The following ANKRD46 variants were observed in gnomAD, a reference collection of about 807,000 sequenced individuals.
ANKRD46 encodes the protein ankyrin repeat domain-containing protein 46.
Under a neutral mutation model 19.8 loss-of-function variants are expected in ANKRD46, and 13 were observed. The observed-to-expected ratio is 0.66, with a 90% confidence interval of 0.43 to 1.04. The LOEUF is 1.04. Among genes scored for constraint, ANKRD46 ranks in the 50% least tolerant of loss-of-function variants. ANKRD46 has a pLI of 0.00. For missense variants in ANKRD46, 185 were observed against 274.8 expected (o/e 0.67, Z 2.31); for synonymous variants, 91 against 106.9 (o/e 0.85, Z 0.92).
At chr8:100,515,868 G>GTTTTTTTTTTTTTTTTTTTTTTTTTTTT (rs1371274884), downstream of ANKRD46, among the ~76,000 whole-genome samples, 1 of 147,798 alleles carries the variant, frequency 6.8e-6, no homozygotes, top group African/African-American at 2.5e-5. Flanking sequence ...CCAGTAACTT[G>GTTTTTTTTTTTTTTTTTTTTTTTTTTTT]TTTTTGTTTT....
chr8:100,555,722 T>TAAAAAAAAAAA lies in ANKRD46; in HGVS notation c.-131+3978_-131+3988dup, dbSNP rs59521764. Among the ~76,000 whole-genome samples the TAAAAAAAAAAA allele has an allele frequency of 1.3e-3, 69 of 53,306 alleles. 12 individuals carry two copies. Among genetic ancestry groups the TAAAAAAAAAAA allele is most frequent in the Non-Finnish European group, 1.6e-3 (49 of 30,378 alleles). 35.0% of individuals were successfully genotyped at this position (53,306 alleles called of 152,430 possible). On this transcript the variant is annotated intron_variant, in intron 1 of 4. Transcript: ENST00000335659. Reference sequence around the variant, plus strand: ...GCACCAACTTAATATTTTCCTCAGCTAAAAAAAAAAAAAAAAAAAAAAAAA... The same window carrying TAAAAAAAAAAA: ...GCACCAACTTAATATTTTCCTCAGCTAAAAAAAAAAAAAAAAAAAAAAAAAAAAAAAAAAAA...
downstream of ANKRD46, among the ~76,000 whole-genome samples, chr8:100,516,673 T>G (rs1252241644): frequency 6.6e-6 from 1 of 152,246 alleles, no homozygotes; most frequent in Non-Finnish European, 1.5e-5. Flanking sequence ...CATTAAGCTT[T>G]TCAGCATCCA....
rs561111484 is a variant in ANKRD46, at chr8:100,536,708, G to A, written c.-130-3397C>T. On this transcript the variant is annotated intron_variant, in intron 1 of 4. Transcript: ENST00000335659. This position sits in a 1 kb window ranked among gnomAD's most constrained non-coding sequence, Gnocchi z 4.9. ...GAACAGTCAATATGGGAATAACCACGCCCCAGAAAGCATGCTGGTTGCTGA... is the reference window on the plus strand; with the variant it reads ...GAACAGTCAATATGGGAATAACCACACCCCAGAAAGCATGCTGGTTGCTGA... 3.3e-5 allele frequency among the ~76,000 whole-genome samples: 5 copies of A among 152,310 alleles called. No individual in the cohort carries two copies. Among genetic ancestry groups the A allele is most frequent in the East Asian group, 1.9e-4 (1 of 5,192 alleles).
At chr8:100,515,922 A>G (rs180734114), downstream of ANKRD46, among the ~76,000 whole-genome samples, 1 of 146,872 alleles carries the variant, frequency 6.8e-6, no homozygotes, top group East Asian at 2.0e-4. Flanking sequence ...CCCAGGCTGG[A>G]GTGCAATGGC....
At position 100,543,474 on chromosome 8, in the gene ANKRD46, T is replaced by G. The variant is rs1003137041; in HGVS notation, c.-130-10163A>C. Among the ~76,000 whole-genome samples, 3 of 152,202 alleles carry G rather than the reference T, an allele frequency of 2.0e-5. No homozygotes were observed. The highest frequency in any genetic ancestry group is 7.2e-5 in the African/African-American group (3 of 41,470). On this transcript the variant is annotated intron_variant, in intron 1 of 4. Coordinates refer to ENST00000335659, the MANE Select transcript of ANKRD46 (RefSeq NM_001270377.2). The surrounding 1 kb of genome is among the most constrained non-coding windows in gnomAD (Gnocchi z 4.2). ...TATAAAACTGTTAAGAACTTGTTTT[T>G]AAAAGTTTGAACAACTGCTAAACTT...
Position 100,544,281 on chromosome 8 carries a change from C to T in ANKRD46, c.-130-10970G>A, listed in dbSNP as rs559294529. Among the ~76,000 whole-genome samples, 1 of 152,156 alleles carries T rather than the reference C, an allele frequency of 6.6e-6. No individual in the cohort carries two copies. The highest frequency in any genetic ancestry group is 1.5e-5 in the Non-Finnish European group (1 of 68,042). Reference sequence around the variant, plus strand: ...TTCCACCAGGAAAGAAAATACCTTACTCATCCATGGGACCCGGACATAAAG... The same window carrying T: ...TTCCACCAGGAAAGAAAATACCTTATTCATCCATGGGACCCGGACATAAAG... On this transcript the variant is annotated intron_variant, in intron 1 of 4. Transcript: ENST00000335659. This position sits in a 1 kb window ranked among gnomAD's most constrained non-coding sequence, Gnocchi z 4.4.
rs1011521245 is a variant in ANKRD46 at position 100,537,915 on chromosome 8, A to C, written c.-130-4604T>G. ...CTTCATATTTAGCTTATATATTTCC[A>C]ATATGCCCTGCAGCTGCTGTAAGTT... On this transcript the variant is annotated intron_variant, in intron 1 of 4. Transcript: ENST00000335659. This position sits in a 1 kb window ranked among gnomAD's most constrained non-coding sequence, Gnocchi z 4.2. Among the ~76,000 whole-genome samples, 71 of 152,186 alleles carry C rather than the reference A, an allele frequency of 4.7e-4. 3 individuals carry two copies. Among genetic ancestry groups the C allele is most frequent in the Admixed American group, 4.6e-3 (71 of 15,272 alleles).
intron 1 of ANKRD46, among the ~76,000 whole-genome samples, chr8:100,553,132 C>A (rs1391993214): frequency 6.6e-6 from 1 of 152,156 alleles, no homozygotes; most frequent in Non-Finnish European, 1.5e-5. Flanking sequence ...AATTCTAGAA[C>A]TGACCAAGGA....
intron 1 of ANKRD46, among the ~76,000 whole-genome samples, chr8:100,558,687 A>G (rs1812551624): frequency 6.6e-6 from 1 of 152,200 alleles, no homozygotes; most frequent in Non-Finnish European, 1.5e-5. Context: ...ACAGCGCTAC[A>G]TGTTTGGCTA....
chr8:100,517,056 TA>T (rs1425574251), downstream of ANKRD46, among the ~76,000 whole-genome samples: 1 of 152,224 alleles, frequency 6.6e-6, no homozygotes, highest in Non-Finnish European at 1.5e-5. Context: ...TTAGTTTCTC[TA>T]ATGGTGAGGT....
At position 100,543,651 on chromosome 8, in the gene ANKRD46, T is replaced by G. The variant is rs1170401505; in HGVS notation, c.-130-10340A>C. 2.0e-5 allele frequency among the ~76,000 whole-genome samples: 3 copies of G among 152,192 alleles called. No individual in the cohort carries two copies. Among genetic ancestry groups the G allele is most frequent in the African/African-American group, 7.2e-5 (3 of 41,446 alleles). ...GTTTTTAAATAAATAAATTACACTC[T>G]CAGGATTGACGAGCTTTGGATTTGG... On this transcript the variant is annotated intron_variant, in intron 1 of 4. Coordinates refer to ENST00000335659, the MANE Select transcript of ANKRD46 (RefSeq NM_001270377.2). This position sits in a 1 kb window ranked among gnomAD's most constrained non-coding sequence, Gnocchi z 4.2.
chr8:100,522,288 G>T lies in ANKRD46; in HGVS notation c.*267C>A. 8.0e-7 allele frequency: 1 copy of T among 1,243,054 alleles called. No homozygotes were observed. The highest frequency in any genetic ancestry group is 2.2e-5 in the South Asian group (1 of 44,920). The allele number at this position is 1,243,054 out of a possible 1,614,324, so 77.0% of individuals were successfully genotyped here. A position where few individuals can be genotyped will look rare whatever the true frequency, so the allele number is the denominator to read the frequency against. On this transcript the variant is annotated 3_prime_UTR_variant, in exon 5 of 5. Coordinates refer to ENST00000335659, the MANE Select transcript of ANKRD46 (RefSeq NM_001270377.2). ...TATCTTCCATTCTCTAGTCACTTCC[G>T]TGTTTTTATCAAACAAGGCTACGTG...
At chr8:100,512,431 C>T (rs1030039838) in intron 5 of ANKRD46, among the ~76,000 whole-genome samples, 1 of 152,186 alleles carries the variant, frequency 6.6e-6, no homozygotes. Context: ...AGAATGATGA[C>T]CGGACAATAG....
Position 100,521,930 on chromosome 8 carries a change from CAAAT to C in ANKRD46, c.*621_*624del. ...AAAAGATCAAAAATTATCCTAAAAA[CAAAT>C]AAATATAAGATCAAATCAATTATCT... On this transcript the variant is annotated 3_prime_UTR_variant, in exon 5 of 5. Transcript: ENST00000335659. 1.0e-6 allele frequency: 1 copy of C among 982,194 alleles called. No homozygotes were observed. The highest frequency in any genetic ancestry group is 1.2e-6 in the Non-Finnish European group (1 of 827,100). The allele number at this position is 982,194 out of a possible 1,614,324, so 60.8% of individuals were successfully genotyped here.
intron 3 of ANKRD46, among the ~76,000 whole-genome samples, chr8:100,528,934 C>T (rs539162866): frequency 7.9e-5 from 12 of 152,278 alleles, no homozygotes; most frequent in African/African-American, 2.9e-4. Context: ...CAAAAAGCCC[C>T]ATGACTTCCT....
At position 100,543,724 on chromosome 8, in the gene ANKRD46, T is replaced by C. The variant is rs1396808569; in HGVS notation, c.-130-10413A>G. Among the ~76,000 whole-genome samples, 3 of 152,154 alleles carry C rather than the reference T, an allele frequency of 2.0e-5. No individual in the cohort carries two copies. The East Asian group carries it at 5.8e-4, about 29-fold the overall frequency. ...TGTTATATCTTAAACTGTAGAGAAG[T>C]ATAAGAAAAGACACACAAAAACAAA... On this transcript the variant is annotated intron_variant, in intron 1 of 4. Transcript: ENST00000335659. The surrounding 1 kb of genome is among the most constrained non-coding windows in gnomAD (Gnocchi z 4.2).
Position 100,536,724 on chromosome 8 carries a change from T to C in ANKRD46, c.-130-3413A>G, listed in dbSNP as rs1490154535. On this transcript the variant is annotated intron_variant, in intron 1 of 4. Transcript: ENST00000335659. This position sits in a 1 kb window ranked among gnomAD's most constrained non-coding sequence, Gnocchi z 4.9. ...AATAACCACGCCCCAGAAAGCATGC[T>C]GGTTGCTGACCAGGGCCCTGGTTCC... 1.3e-5 allele frequency among the ~76,000 whole-genome samples: 2 copies of C among 152,176 alleles called. No individual in the cohort carries two copies. Among genetic ancestry groups the C allele is most frequent in the African/African-American group, 4.8e-5 (2 of 41,444 alleles).
chr8:100,513,006 C>T (rs139476341), intron 5 of ANKRD46, among the ~76,000 whole-genome samples: 1,737 of 152,162 alleles, frequency 0.011, 38 homozygotes, highest in African/African-American at 0.039. Context: ...TGAGATGATG[C>T]CTGGAAGGTT....
chr8:100,559,384 AC>A lies in ANKRD46; in HGVS notation c.-131+326del, dbSNP rs1812567786. On this transcript the variant is annotated intron_variant, in intron 1 of 4. Transcript: ENST00000335659. This position sits in a 1 kb window ranked among gnomAD's most constrained non-coding sequence, Gnocchi z 6.0. Reference sequence around the variant, plus strand: ...ACCTGCGGCGTGGCTTCCGCGCTCCACCCCCCGATTAACCGCGAGCCAGGGC... The same window carrying A: ...ACCTGCGGCGTGGCTTCCGCGCTCCACCCCCGATTAACCGCGAGCCAGGGC... 1 of 152,016 alleles carries A rather than the reference AC, an allele frequency of 6.6e-6. No individual in the cohort carries two copies. Among genetic ancestry groups the A allele is most frequent in the Non-Finnish European group, 1.5e-5 (1 of 68,138 alleles). 9.4% of individuals were successfully genotyped at this position (152,016 alleles called of 1,614,324 possible).
Sources: gnomAD v4.1 joint callset for allele counts (sites outside exome capture counted in the v4.1 genomes callset) on GRCh38, gnomAD v4.1.1 for gene constraint, Gnocchi (gnomAD v3.1) non-coding constraint, MANE v1.5 for transcripts, NCBI Gene and HGNC (gene_info 2026-07-23, HGNC 2026-07-21) for gene names.